The following DRD3 variants were observed in gnomAD, a reference collection of about 807,000 sequenced individuals.
The protein encoded by DRD3 is D(3) dopamine receptor.
DRD3 carries 19 observed loss-of-function variants against 36.3 expected under a neutral mutation model. That is an observed-to-expected ratio of 0.52 (90% CI 0.36 to 0.77). The LOEUF (loss-of-function observed/expected upper bound fraction) is 0.77, where lower values mean the gene tolerates loss of function less well. DRD3 is among the 30% of genes least tolerant of loss of function. The pLI is 0.00. For missense variants in DRD3, 465 were observed against 505.3 expected (o/e 0.92, Z 0.77); for synonymous variants, 195 against 203.7 (o/e 0.96, Z 0.36).
intron 1 of DRD3, among the ~76,000 whole-genome samples, chr3:114,198,005 A>T (rs1437733251): frequency 6.6e-6 from 1 of 152,192 alleles, no homozygotes; most frequent in East Asian, 1.9e-4. Flanking sequence ...TTGGGATTGC[A>T]TTTATTCTAC....
At chr3:114,175,196 G>A (rs1053630713) in intron 1 of DRD3, among the ~76,000 whole-genome samples, 5 of 152,106 alleles carry the variant, frequency 3.3e-5, no homozygotes, top group African/African-American at 1.2e-4. Flanking sequence ...GAGCGGGGGT[G>A]CAAATTGCTC....
intron 1 of DRD3, among the ~76,000 whole-genome samples, chr3:114,189,501 T>C (rs1402838465): frequency 2.6e-5 from 4 of 152,236 alleles, no homozygotes; most frequent in Non-Finnish European, 5.9e-5. Flanking sequence ...TCCATGATTT[T>C]ATGAATTCTA....
At chr3:114,186,679 T>C (rs1469798737) in intron 1 of DRD3, among the ~76,000 whole-genome samples, 1 of 152,212 alleles carries the variant, frequency 6.6e-6, no homozygotes, top group Non-Finnish European at 1.5e-5. Flanking sequence ...GTAATTGCTA[T>C]TATGCTAAGA....
At chr3:114,194,206 T>A (rs2078025469) in intron 1 of DRD3, among the ~76,000 whole-genome samples, 1 of 152,214 alleles carries the variant, frequency 6.6e-6, no homozygotes, top group African/African-American at 2.4e-5. Flanking sequence ...TTTGTTTCCA[T>A]CCAACTGGTG....
chr3:114,147,777 G>A (rs1026972602), intron 3 of DRD3, among the ~76,000 whole-genome samples: 2 of 152,132 alleles, frequency 1.3e-5, no homozygotes, highest in South Asian at 4.2e-4. Flanking sequence ...CCGCCACCAC[G>A]CCTGCCTAAT....
At chr3:114,173,752 G>C (rs1052666127) in intron 1 of DRD3, among the ~76,000 whole-genome samples, 1 of 152,156 alleles carries the variant, frequency 6.6e-6, no homozygotes, top group Non-Finnish European at 1.5e-5. Context: ...CAAGGTGGGA[G>C]GATGAAACAT....
At chr3:114,145,671 T>C (rs919005459) in intron 4 of DRD3, among the ~76,000 whole-genome samples, 1 of 152,168 alleles carries the variant, frequency 6.6e-6, no homozygotes, top group Non-Finnish European at 1.5e-5. Context: ...GATTCTAAAG[T>C]CAATAAATAA....
At chr3:114,178,604 C>T (rs1024260193) in intron 1 of DRD3, 53 bp downstream of exon 1, 1 of 152,050 alleles carries the variant, frequency 6.6e-6, no homozygotes, top group Non-Finnish European at 1.5e-5. Flanking sequence ...GATTAAATAA[C>T]CTTGAGGAAA....
intron 3 of DRD3, among the ~76,000 whole-genome samples, chr3:114,157,367 T>A (rs960147278): frequency 6.6e-6 from 1 of 152,126 alleles, no homozygotes; most frequent in Non-Finnish European, 1.5e-5. Flanking sequence ...ATCCCCCTTT[T>A]CAATTTCATC....
chr3:114,174,039 T>A (rs36211796), intron 1 of DRD3, among the ~76,000 whole-genome samples: 10,055 of 152,202 alleles, frequency 0.066, 375 homozygotes, highest in South Asian at 0.11. Context: ...TGGAATGAAT[T>A]TAGAGAATTG....
chr3:114,197,688 G>C (rs1334977324), intron 1 of DRD3, among the ~76,000 whole-genome samples: 1 of 152,088 alleles, frequency 6.6e-6, no homozygotes, highest in Non-Finnish European at 1.5e-5. Flanking sequence ...ACCAACTTTT[G>C]TTGGCAAAGT....
In DRD3 at chr3:114,132,132, A is replaced by G. The variant is rs1216632436; in HGVS notation, c.724-732T>C. Among the ~76,000 whole-genome samples, 4 of 152,236 alleles carry G rather than the reference A, an allele frequency of 2.6e-5. No individual in the cohort carries two copies. The East Asian group carries it at 7.7e-4, about 29-fold the overall frequency. On this transcript the variant is annotated intron_variant, in intron 5 of 6. Transcript: ENST00000383673. The stretch of plus-strand genomic sequence containing the variant: ...GTATGTTTACTGCAGCAATATTTAC[A>G]ATAGCAAAGACTTGGAACCAAGTGA...
Position 114,128,778 on chromosome 3 carries a change from C to G in DRD3, c.1141G>C (p.Val381Leu). ...TCGATATTGAAGGTGGTATAGATCA[C>G]AGGGTTGAGGGCGCTATTCACGTAG... ...LGYVNSALNP[V>L]IYTTFNIEFR... The change falls in exon 7 of 7, where the codon GTG becomes CTG. Residue 381 changes from valine to leucine, a missense_variant. Val to Leu is a conservative substitution (Grantham distance 32). Coordinates refer to ENST00000383673, the MANE Select transcript of DRD3 (RefSeq NM_000796.6). 1.9e-6 allele frequency: 3 copies of G among 1,613,770 alleles called. No individual in the cohort carries two copies. The highest frequency in any genetic ancestry group is 2.5e-6 in the Non-Finnish European group (3 of 1,179,896).
chr3:114,159,680 A>T, intron 3 of DRD3, 75 bp downstream of exon 3: 1 of 1,199,440 alleles, frequency 8.3e-7, no homozygotes, highest in Non-Finnish European at 1.2e-6. Context: ...TGACCCCAGT[A>T]CCCTCAAGTG....
intron 2 of DRD3, among the ~76,000 whole-genome samples, chr3:114,162,342 C>T (rs1216312068): frequency 6.6e-6 from 1 of 152,122 alleles, no homozygotes; most frequent in African/African-American, 2.4e-5. Context: ...TGTATGTGTT[C>T]TTAAAGCTTT....
At position 114,128,658 on chromosome 3, in the gene DRD3, T is replaced by C; in HGVS notation, c.*58A>G. The C allele has an allele frequency of 6.7e-7, 1 of 1,492,372 alleles. No individual in the cohort carries two copies. The highest frequency in any genetic ancestry group is 1.4e-5 in the African/African-American group (1 of 71,730). 92.4% of individuals were successfully genotyped at this position (1,492,372 alleles called of 1,614,324 possible). A position where few individuals can be genotyped will look rare whatever the true frequency, so the allele number is the denominator to read the frequency against. ...GAGGACACTGCACAGTCTTTCTGAG[T>C]GGGCCAACAGCCTGGCAGCTAGAAA... On this transcript the variant is annotated 3_prime_UTR_variant, in exon 7 of 7. Transcript: ENST00000383673.
At chr3:114,154,556 T>G (rs1162325742) in intron 3 of DRD3, among the ~76,000 whole-genome samples, 3 of 151,902 alleles carry the variant, frequency 2.0e-5, no homozygotes, top group African/African-American at 7.3e-5. Context: ...CCTCCTGGAG[T>G]TGTTGAAGGA....
At chr3:114,180,749 T>C (rs965388759), upstream of DRD3, among the ~76,000 whole-genome samples, 2 of 152,206 alleles carry the variant, frequency 1.3e-5, no homozygotes, top group African/African-American at 4.8e-5. Flanking sequence ...GACATAACTA[T>C]ATTGAACATG....
chr3:114,139,764 C>T (rs558549405), intron 4 of DRD3, 68 bp from the exon 5 acceptor site: 98 of 1,478,806 alleles, frequency 6.6e-5, no homozygotes, highest in East Asian at 3.6e-4. Context: ...GCATAAAACA[C>T]GGCTCCATGT....
Sources: gnomAD v4.1 joint callset for allele counts (sites outside exome capture counted in the v4.1 genomes callset) on GRCh38, gnomAD v4.1.1 for gene constraint, MANE v1.5 for transcripts, NCBI Gene and HGNC (gene_info 2026-07-23, HGNC 2026-07-21) for gene names.